XIAP: variants seen among roughly 807,000 people sequenced by gnomAD.
XIAP encodes X-linked inhibitor of apoptosis, also known as E3 ubiquitin-protein ligase XIAP.
In XIAP, 3 loss-of-function variants were observed where a neutral mutation model predicts 33.1. The observed-to-expected ratio is 0.09, with a 90% confidence interval of 0.04 to 0.23. The LOEUF is 0.23. XIAP is among the 10% of genes least tolerant of loss of function. The pLI is 1.00. For synonymous variants in XIAP, 98 were observed against 121.3 expected, an observed-to-expected ratio of 0.81 and a Z score of 1.26; for missense variants, 264 against 363.0, an observed-to-expected ratio of 0.73 and a Z score of 2.22.
At chrX:123,881,681 A>G (rs1264528815) in intron 1 of XIAP, among the ~76,000 whole-genome samples, 1 of 111,795 alleles carries the variant, frequency 8.9e-6, no homozygotes, top group Non-Finnish European at 1.9e-5. Flanking sequence ...GTTTTATCTA[A>G]TATTTTCTGA....
chrX:123,913,150 G>T lies in XIAP; in HGVS notation c.*5969G>T, dbSNP rs1361785325. On this transcript the variant is annotated 3_prime_UTR_variant, in exon 7 of 7. Transcript: ENST00000371199. ...GGGGTCGTGAAACCAAAACCCCAGGGATAGCAAGGGACAATTGTATCTTCA... is the reference window on the plus strand; with the variant it reads ...GGGGTCGTGAAACCAAAACCCCAGGTATAGCAAGGGACAATTGTATCTTCA... The T allele has an allele frequency of 3.1e-6, 1 of 326,435 alleles. No individual in the cohort carries two copies. Among genetic ancestry groups the T allele is most frequent in the Non-Finnish European group, 5.9e-6 (1 of 169,510 alleles). 26.9% of individuals were successfully genotyped at this position (326,435 alleles called of 1,213,427 possible). A position where few individuals can be genotyped will look rare whatever the true frequency, so the allele number is the denominator to read the frequency against.
At chrX:123,859,765 G>GGGGGGTCGGGTGGGGGT (rs1486836296), upstream of XIAP, 4 of 210,307 alleles carry the variant, frequency 1.9e-5, no homozygotes, top group Non-Finnish European at 3.5e-5. Flanking sequence ...CAGCCGGGCG[G>GGGGGGTCGGGTGGGGGT]GGGGGTCGGG....
intron 1 of XIAP, among the ~76,000 whole-genome samples, chrX:123,880,871 C>T (rs2053297991): frequency 9.0e-6 from 1 of 110,660 alleles, no homozygotes; most frequent in Admixed American, 9.8e-5. Context: ...CTGTCAACCT[C>T]CTCTCCTTGG....
intron 1 of XIAP, among the ~76,000 whole-genome samples, chrX:123,879,682 G>A (rs2053279809): frequency 9.0e-6 from 1 of 111,040 alleles, no homozygotes; most frequent in Non-Finnish European, 1.9e-5. Flanking sequence ...CTATAATCCC[G>A]TCACCTTAAC....
rs1602565621 is a variant in XIAP at position 123,909,892 on chromosome X, G to A, written c.*2711G>A. On this transcript the variant is annotated 3_prime_UTR_variant, in exon 7 of 7. Transcript: ENST00000371199. Reference sequence around the variant, plus strand: ...TGTGTTTGAACTATAAAAAGCACCGGATCTTTTCCATCTAATTCCGCAAAA... The same window carrying A: ...TGTGTTTGAACTATAAAAAGCACCGAATCTTTTCCATCTAATTCCGCAAAA... 1 of 327,890 alleles carries A rather than the reference G, an allele frequency of 3.0e-6. No individual in the cohort carries two copies. The highest frequency in any genetic ancestry group is 5.9e-6 in the Non-Finnish European group (1 of 169,697). The allele number at this position is 327,890 out of a possible 1,213,427, so 27.0% of individuals were successfully genotyped here. A position where few individuals can be genotyped will look rare whatever the true frequency, so the allele number is the denominator to read the frequency against.
Position 123,913,934 on chromosome X carries a change from A to T in XIAP, c.*6753A>T. 3.2e-6 allele frequency: 1 copy of T among 310,532 alleles called. No homozygotes were observed. The highest frequency in any genetic ancestry group is 6.1e-6 in the Non-Finnish European group (1 of 162,801). The allele number at this position is 310,532 out of a possible 1,213,427, so 25.6% of individuals were successfully genotyped here. ...GTAGATTAAAGCTTATTTTTCTGTG[A>T]ATAAAACGTATTCAATAAAATACTA... On this transcript the variant is annotated 3_prime_UTR_variant, in exon 7 of 7. Coordinates refer to ENST00000371199, the MANE Select transcript of XIAP (RefSeq NM_001167.4).
In XIAP at chrX:123,912,214, G is replaced by GA. The variant is rs770819952; in HGVS notation, c.*5034dup. 1 of 182,762 alleles carries GA rather than the reference G, an allele frequency of 5.5e-6. No homozygotes were observed. The allele number at this position is 182,762 out of a possible 1,213,427, so 15.1% of individuals were successfully genotyped here. ...CAACCAAGGAGGAATTGAAAACACTGAGAAAAAAAAAAAAGACCACACAAT... is the reference window on the plus strand; with the variant it reads ...CAACCAAGGAGGAATTGAAAACACTGAAGAAAAAAAAAAAAGACCACACAAT... On this transcript the variant is annotated 3_prime_UTR_variant, in exon 7 of 7. Transcript: ENST00000371199.
At chrX:123,896,152 G>A (rs962122313) in intron 5 of XIAP, among the ~76,000 whole-genome samples, 2 of 110,538 alleles carry the variant, frequency 1.8e-5, no homozygotes, top group African/African-American at 6.6e-5. Flanking sequence ...CTGTGGCCTC[G>A]ACCTCCCTGG....
rs1467548936 is a variant in XIAP at position 123,907,527 on chromosome X, G to A, written c.*346G>A. The A allele has an allele frequency of 2.6e-6, 1 of 381,283 alleles. No homozygotes were observed. Among genetic ancestry groups the A allele is most frequent in the South Asian group, 2.8e-5 (1 of 35,791 alleles). The allele number at this position is 381,283 out of a possible 1,213,427, so 31.4% of individuals were successfully genotyped here. A position where few individuals can be genotyped will look rare whatever the true frequency, so the allele number is the denominator to read the frequency against. Reference sequence around the variant, plus strand: ...CTGGATTTTTTATTCTTTTCAGATAGGCTTAACAAATGGAGCTTTCTGTAT... The same window carrying A: ...CTGGATTTTTTATTCTTTTCAGATAAGCTTAACAAATGGAGCTTTCTGTAT... On this transcript the variant is annotated 3_prime_UTR_variant, in exon 7 of 7. Transcript: ENST00000371199.
At chrX:123,895,205 CT>C (rs985178199) in intron 5 of XIAP, among the ~76,000 whole-genome samples, 2 of 111,570 alleles carry the variant, frequency 1.8e-5, no homozygotes, top group African/African-American at 6.5e-5. Context: ...CTTGCCTATT[CT>C]GGACATTTAA....
rs753855573 is a variant in XIAP, at chrX:123,886,422, A to G, written c.760A>G (p.Thr254Ala). The G allele has an allele frequency of 6.6e-6, 8 of 1,211,801 alleles. No homozygotes were observed. In the South Asian group the frequency reaches 1.4e-4, roughly 21 times the overall value. ...VSSDRNFPNS[T>A]NLPRNPSMAD... is the part of the protein sequence containing the mutation. Reference sequence around the variant, plus strand: ...TTCTGATAGGAATTTCCCAAATTCAACAAATCTTCCAAGAAATCCATCCAT... The same window carrying G: ...TTCTGATAGGAATTTCCCAAATTCAGCAAATCTTCCAAGAAATCCATCCAT... Residue 254 changes from threonine to alanine, a missense_variant, in exon 2 of 7, where the codon ACA (threonine) becomes GCA (alanine). Thr to Ala is a moderately conservative substitution (Grantham distance 58, BLOSUM62 0). Transcript: ENST00000371199.
chrX:123,905,244 T>C (rs1052070536), intron 6 of XIAP, among the ~76,000 whole-genome samples: 6 of 111,832 alleles, frequency 5.4e-5, no homozygotes, highest in African/African-American at 1.9e-4. Context: ...TAATCTTTCA[T>C]GATCAGGCAC....
At chrX:123,877,759 G>A (rs2053259276) in intron 1 of XIAP, among the ~76,000 whole-genome samples, 1 of 110,846 alleles carries the variant, frequency 9.0e-6, no homozygotes, top group Non-Finnish European at 1.9e-5. Flanking sequence ...GGATCACGAG[G>A]TCAGGAGGTC....
chrX:123,913,109 C>T lies in XIAP; in HGVS notation c.*5928C>T, dbSNP rs1352973654. On this transcript the variant is annotated 3_prime_UTR_variant, in exon 7 of 7. Transcript: ENST00000371199. Reference sequence around the variant, plus strand: ...TGTGATTTTATCTAAGGGACTTAAGCGTCCTCAGGTCCTAGGGGGTCGTGA... The same window carrying T: ...TGTGATTTTATCTAAGGGACTTAAGTGTCCTCAGGTCCTAGGGGGTCGTGA... 3 of 326,006 alleles carry T rather than the reference C, an allele frequency of 9.2e-6. No individual in the cohort carries two copies. The highest frequency in any genetic ancestry group is 2.7e-5 in the African/African-American group (1 of 37,212). 26.9% of individuals were successfully genotyped at this position (326,006 alleles called of 1,213,427 possible).
chrX:123,889,996 CATTTTTTTTT>C (rs2053389760), intron 3 of XIAP, among the ~76,000 whole-genome samples: 1 of 65,942 alleles, frequency 1.5e-5, no homozygotes, highest in Non-Finnish European at 2.7e-5. Flanking sequence ...CAGTTGTTCA[CATTTTTTTTT>C]TTTTTTTTTT....
intron 1 of XIAP, among the ~76,000 whole-genome samples, chrX:123,881,436 C>A (rs138189203): frequency 0.015 from 1,653 of 111,463 alleles, 29 homozygotes; most frequent in African/African-American, 0.05. Flanking sequence ...TTCTGTCTTT[C>A]ATCAGTCATC....
intron 6 of XIAP, among the ~76,000 whole-genome samples, chrX:123,901,256 G>A (rs1010142678): frequency 8.9e-6 from 1 of 111,871 alleles, no homozygotes; most frequent in Admixed American, 9.6e-5. Context: ...ATGGTGGTGT[G>A]TGCCTGTAGT....
chrX:123,896,747 AT>A (rs1422033946), intron 5 of XIAP, among the ~76,000 whole-genome samples: 1 of 103,645 alleles, frequency 9.6e-6, no homozygotes, highest in South Asian at 4.2e-4. Flanking sequence ...TGGCTGGCTA[AT>A]TTTTTTTGTA....
intron 1 of XIAP, among the ~76,000 whole-genome samples, chrX:123,880,092 C>T (rs1039226074): frequency 9.2e-5 from 10 of 108,447 alleles, no homozygotes; most frequent in Admixed American, 2.0e-4. Flanking sequence ...CCAGCCTGGG[C>T]GACAGAGCAA....
Sources: allele counts gnomAD v4.1 joint callset (sites outside exome capture counted in the v4.1 genomes callset), GRCh38; gene constraint gnomAD v4.1.1; transcripts MANE v1.5; gene names NCBI Gene and HGNC (gene_info 2026-07-23, HGNC 2026-07-21).